Variants in SHANK2 observed in about 807,000 individuals in gnomAD.
The protein encoded by SHANK2 is SH3 and multiple ankyrin repeat domains protein 2.
A neutral mutation model predicts 133.7 loss-of-function variants in SHANK2; 43 were observed. The observed-to-expected ratio is 0.32, with a 90% CI of 0.25 to 0.41. SHANK2 has a LOEUF of 0.41. SHANK2 is among the 10% of genes least tolerant of loss of function. The pLI is 1.00. For synonymous variants in SHANK2, 1,017 were observed against 952.8 expected (o/e 1.07, Z -1.24); for missense variants, 1,994 against 2,235.8 (o/e 0.89, Z 2.18).
At chr11:71,107,649 A>G (rs1340498342) in intron 6 of SHANK2, among the ~76,000 whole-genome samples, 6 of 152,218 alleles carry the variant, frequency 3.9e-5, no homozygotes, top group African/African-American at 1.4e-4. Flanking sequence ...CTCTGGCACC[A>G]GCCTAATCCA....
chr11:70,893,658 TTTC>T (rs1331286623), intron 11 of SHANK2, among the ~76,000 whole-genome samples: 3 of 152,364 alleles, frequency 2.0e-5, no homozygotes, highest in South Asian at 2.1e-4. Flanking sequence ...AGAGGTTTTT[TTTC>T]TTCTTCTTCT....
chr11:70,684,632 C>T (rs1165046540), intron 15 of SHANK2, among the ~76,000 whole-genome samples: 2 of 152,092 alleles, frequency 1.3e-5, no homozygotes, highest in Non-Finnish European at 2.9e-5. Context: ...ATCTCACACT[C>T]CCTTCACCCA....
At chr11:71,137,493 CA>C (rs1387596819) in intron 3 of SHANK2, among the ~76,000 whole-genome samples, 15 of 152,000 alleles carry the variant, frequency 9.9e-5, no homozygotes, top group Non-Finnish European at 1.9e-4. Flanking sequence ...GAGGCTGCAG[CA>C]GGAGATGTGA....
At chr11:70,817,337 G>A (rs1449567285) in intron 12 of SHANK2, among the ~76,000 whole-genome samples, 1 of 152,202 alleles carries the variant, frequency 6.6e-6, no homozygotes, top group Non-Finnish European at 1.5e-5. Flanking sequence ...TGAGGATGCT[G>A]AATCCTGGAC....
intron 3 of SHANK2, among the ~76,000 whole-genome samples, chr11:71,126,784 T>TG (rs1160553811): frequency 1.4e-5 from 2 of 147,888 alleles, no homozygotes; most frequent in African/African-American, 5.1e-5. Context: ...TGGAGTGCAG[T>TG]GGGGCGATCT....
At chr11:70,796,340 C>T (rs1414262675) in intron 14 of SHANK2, among the ~76,000 whole-genome samples, 1 of 152,200 alleles carries the variant, frequency 6.6e-6, no homozygotes. Flanking sequence ...CTCAAATGAT[C>T]CCCCTACGCA....
Position 70,742,355 on chromosome 11 carries a change from C to T in SHANK2, c.1778-43592G>A, listed in dbSNP as rs553672438. On this transcript the variant is annotated intron_variant, in intron 14 of 25. Transcript: ENST00000601538. ...TTGGTTTCTACCGACTGCTCTTGAA[C>T]CCACAGGGTGAAGAAAAAGGGCCTG... 7.6e-4 allele frequency among the ~76,000 whole-genome samples: 116 copies of T among 152,316 alleles called. 3 individuals carry two copies. The South Asian group carries it at 0.022, about 29-fold the overall frequency.
chr11:71,143,082 A>G (rs1200776419), intron 3 of SHANK2, among the ~76,000 whole-genome samples: 1 of 152,176 alleles, frequency 6.6e-6, no homozygotes, highest in African/African-American at 2.4e-5. Context: ...AAAAATACAA[A>G]AAATTAGCCG....
At chr11:70,808,805 C>G (rs1948218344) in intron 12 of SHANK2, among the ~76,000 whole-genome samples, 1 of 152,056 alleles carries the variant, frequency 6.6e-6, no homozygotes, top group Non-Finnish European at 1.5e-5. Flanking sequence ...CCATGGGTGT[C>G]CGACACTTCA....
rs1454795016 is a variant in SHANK2 at position 70,881,050 on chromosome 11, T to G, written c.1174+15451A>C. 3.3e-5 allele frequency among the ~76,000 whole-genome samples: 5 copies of G among 152,304 alleles called. No individual in the cohort carries two copies. In the East Asian group the frequency reaches 9.6e-4, roughly 29 times the overall value. ...AGCACCTTGAGAGTCTTTCTTTTTG[T>G]TAATAGAAACAGAATCTCTGTCTGT... On this transcript the variant is annotated intron_variant, in intron 11 of 25. Coordinates refer to ENST00000601538, the MANE Select transcript of SHANK2 (RefSeq NM_012309.5).
intron 14 of SHANK2, among the ~76,000 whole-genome samples, chr11:70,782,056 GA>G (rs1326071354): frequency 6.6e-6 from 1 of 152,132 alleles, no homozygotes; most frequent in Admixed American, 6.5e-5. Context: ...GGTGGGAATT[GA>G]ACAATGAGAA....
intron 8 of SHANK2, among the ~76,000 whole-genome samples, chr11:71,088,076 T>C (rs2135080972): frequency 6.6e-6 from 1 of 152,248 alleles, no homozygotes; most frequent in South Asian, 2.1e-4. Flanking sequence ...GTAGACTAAA[T>C]TGATGATTCT....
At chr11:70,666,657 T>C (rs1429277779) in intron 15 of SHANK2, among the ~76,000 whole-genome samples, 1 of 152,156 alleles carries the variant, frequency 6.6e-6, no homozygotes, top group African/African-American at 2.4e-5. Flanking sequence ...TGAGATGCAC[T>C]GCAATCCAGT....
chr11:70,743,495 C>A (rs1285865380), intron 14 of SHANK2, among the ~76,000 whole-genome samples: 1 of 152,212 alleles, frequency 6.6e-6, no homozygotes, highest in Non-Finnish European at 1.5e-5. Context: ...GTTGTTTGAG[C>A]CACACAGTCT....
chr11:70,840,211 C>T (rs1352518988), intron 11 of SHANK2, among the ~76,000 whole-genome samples: 1 of 152,224 alleles, frequency 6.6e-6, no homozygotes, highest in Non-Finnish European at 1.5e-5. Context: ...TCAAAGCCAA[C>T]CAGAGGTGTC....
chr11:70,549,982 C>T (rs1415726592), intron 17 of SHANK2, among the ~76,000 whole-genome samples: 1 of 152,180 alleles, frequency 6.6e-6, no homozygotes, highest in African/African-American at 2.4e-5. Flanking sequence ...GCCGAGGCCT[C>T]CCCATGTGCA....
At chr11:70,818,520 G>A (rs1698367705) in intron 12 of SHANK2, among the ~76,000 whole-genome samples, 1 of 152,150 alleles carries the variant, frequency 6.6e-6, no homozygotes, top group Non-Finnish European at 1.5e-5. Flanking sequence ...ACTGGGTGAA[G>A]GGGACACACT....
chr11:70,471,341 C>T lies in SHANK2; in HGVS notation c.*1528G>A. On this transcript the variant is annotated 3_prime_UTR_variant, in exon 26 of 26. Coordinates refer to ENST00000601538, the MANE Select transcript of SHANK2 (RefSeq NM_012309.5). This position sits in a 1 kb window ranked among gnomAD's most constrained non-coding sequence, Gnocchi z 4.1. ...TCTGAAATAATAATAAAACCAAAAA[C>T]CTGACATTCGAGTATCCTCCAAATG... is the stretch of plus-strand genomic sequence containing the variant. The T allele has an allele frequency of 2.5e-6, 1 of 398,696 alleles. No individual in the cohort carries two copies. Among genetic ancestry groups the T allele is most frequent in the East Asian group, 3.6e-5 (1 of 28,074 alleles). 24.7% of individuals were successfully genotyped at this position (398,696 alleles called of 1,614,324 possible).
chr11:71,218,006 A>G (rs931587115), intron 2 of SHANK2, among the ~76,000 whole-genome samples: 2 of 151,690 alleles, frequency 1.3e-5, no homozygotes, highest in African/African-American at 2.4e-5. Context: ...ACCCGCCACC[A>G]CGCCCGGCTA....
Sources: allele counts gnomAD v4.1 joint callset (sites outside exome capture counted in the v4.1 genomes callset), GRCh38; gene constraint gnomAD v4.1.1; non-coding constraint Gnocchi (gnomAD v3.1); transcripts MANE v1.5; gene names NCBI Gene and HGNC (gene_info 2026-07-23, HGNC 2026-07-21).